The following ST6GALNAC3 variants were observed in gnomAD, a reference collection of about 807,000 sequenced individuals.
ST6GALNAC3 encodes the protein alpha-N-acetylgalactosaminide alpha-2,6-sialyltransferase 3.
A neutral mutation model predicts 32.7 loss-of-function variants in ST6GALNAC3; 25 were observed. The observed-to-expected ratio is 0.76, with a 90% CI of 0.56 to 1.07. The LOEUF is 1.07. Among genes scored for constraint, ST6GALNAC3 ranks in the 50% least tolerant of loss-of-function variants. The pLI is 0.00. For synonymous variants in ST6GALNAC3, 129 were observed against 133.1 expected, an observed-to-expected ratio of 0.97 and a Z score of 0.21; for missense variants, 355 against 382.4, an observed-to-expected ratio of 0.93 and a Z score of 0.60.
intron 1 of ST6GALNAC3, among the ~76,000 whole-genome samples, chr1:76,305,165 A>T (rs1660971329): frequency 6.6e-6 from 1 of 152,036 alleles, no homozygotes; most frequent in Non-Finnish European, 1.5e-5. Context: ...TAATAAAATG[A>T]TGGAAAGTCC....
intron 1 of ST6GALNAC3, among the ~76,000 whole-genome samples, chr1:76,111,836 C>T (rs1313286595): frequency 1.3e-4 from 19 of 151,900 alleles, no homozygotes; most frequent in Non-Finnish European, 2.2e-4. Flanking sequence ...CCATGTCTAC[C>T]TCTTTCTACA....
chr1:76,083,557 C>T (rs553744080), intron 1 of ST6GALNAC3, among the ~76,000 whole-genome samples: 20 of 152,302 alleles, frequency 1.3e-4, no homozygotes, highest in Admixed American at 1.2e-3. Flanking sequence ...ATGAATAAAA[C>T]AATAATACCC....
intron 3 of ST6GALNAC3, among the ~76,000 whole-genome samples, chr1:76,546,586 T>C (rs941100816): frequency 2.0e-5 from 3 of 152,146 alleles, no homozygotes; most frequent in African/African-American, 7.2e-5. Context: ...ATAATAACTT[T>C]GTGAGCATTT....
intron 1 of ST6GALNAC3, among the ~76,000 whole-genome samples, chr1:76,152,105 T>A (rs1048750644): frequency 1.3e-5 from 2 of 152,126 alleles, no homozygotes; most frequent in South Asian, 4.1e-4. Context: ...AAAGATTAAA[T>A]CCTATTTGGG....
rs1648836585 is a variant in ST6GALNAC3, at chr1:76,624,445, T to A, written c.624-3007T>A. ...AGGGCTGTGTTCTGGAAGCTTACTG[T>A]TGAACCTTCAGAAACGACTGTGTGG... On this transcript the variant is annotated intron_variant, in intron 3 of 4. Coordinates refer to ENST00000328299, the MANE Select transcript of ST6GALNAC3 (RefSeq NM_152996.4). Among the ~76,000 whole-genome samples, 3 of 151,924 alleles carry A rather than the reference T, an allele frequency of 2.0e-5. No homozygotes were observed. The South Asian group carries it at 6.2e-4, about 31-fold the overall frequency.
intron 1 of ST6GALNAC3, among the ~76,000 whole-genome samples, chr1:76,176,953 A>C (rs1320850556): frequency 6.6e-6 from 1 of 152,162 alleles, no homozygotes; most frequent in Non-Finnish European, 1.5e-5. Context: ...CTTGAGCCTG[A>C]AATCCCAGCT....
chr1:76,572,789 G>A (rs1646728074), intron 3 of ST6GALNAC3, among the ~76,000 whole-genome samples: 2 of 152,136 alleles, frequency 1.3e-5, no homozygotes, highest in South Asian at 4.1e-4. Flanking sequence ...AAGGAAATTT[G>A]TTGCGGAGAC....
intron 1 of ST6GALNAC3, among the ~76,000 whole-genome samples, chr1:76,130,509 G>A (rs1043302804): frequency 1.3e-5 from 2 of 152,194 alleles, no homozygotes; most frequent in Non-Finnish European, 2.9e-5. Context: ...GACTAGGGAA[G>A]GGACCAGCAC....
chr1:76,380,546 T>C (rs1651621310), intron 2 of ST6GALNAC3, among the ~76,000 whole-genome samples: 1 of 152,212 alleles, frequency 6.6e-6, no homozygotes, highest in Non-Finnish European at 1.5e-5. Flanking sequence ...AATAGCCATA[T>C]TTGAAAATAA....
chr1:76,161,638 T>A (rs1318243), intron 1 of ST6GALNAC3, among the ~76,000 whole-genome samples: 14 of 152,120 alleles, frequency 9.2e-5, no homozygotes, highest in Non-Finnish European at 1.3e-4. Context: ...CTTAAAGTAC[T>A]TGCTGGGAAG....
At chr1:76,219,560 A>G (rs1353036788) in intron 1 of ST6GALNAC3, among the ~76,000 whole-genome samples, 1 of 152,178 alleles carries the variant, frequency 6.6e-6, no homozygotes, top group Non-Finnish European at 1.5e-5. Context: ...TCCCCTGGGC[A>G]CAGAAATGTG....
intron 2 of ST6GALNAC3, among the ~76,000 whole-genome samples, chr1:76,328,065 T>C (rs540195607): frequency 1.3e-5 from 2 of 152,330 alleles, no homozygotes; most frequent in East Asian, 3.9e-4. Flanking sequence ...CAGTTGAGGC[T>C]AGGATAGGTA....
intron 3 of ST6GALNAC3, among the ~76,000 whole-genome samples, chr1:76,574,349 A>T (rs114059651): frequency 6.6e-6 from 1 of 152,084 alleles, no homozygotes; most frequent in Non-Finnish European, 1.5e-5. Flanking sequence ...TGTAGAATTT[A>T]TCACCACTTA....
At position 76,233,463 on chromosome 1, in the gene ST6GALNAC3, G is replaced by C. The variant is rs534931085; in HGVS notation, c.19-80342G>C. ...GCATCCACCAACCACAAGGCCAAGG[G>C]AAGGCCTAGGTATCTCTACAGGACA... On this transcript the variant is annotated intron_variant, in intron 1 of 4. Coordinates refer to ENST00000328299, the MANE Select transcript of ST6GALNAC3 (RefSeq NM_152996.4). Among the ~76,000 whole-genome samples the C allele has an allele frequency of 2.7e-4, 41 of 152,288 alleles. No individual in the cohort carries two copies. The South Asian group carries it at 8.3e-3, about 31-fold the overall frequency.
At chr1:76,217,838 G>A (rs575909308) in intron 1 of ST6GALNAC3, among the ~76,000 whole-genome samples, 13 of 152,298 alleles carry the variant, frequency 8.5e-5, no homozygotes, top group African/African-American at 3.1e-4. Flanking sequence ...TGCTGTGAAT[G>A]CCATTATGTT....
chr1:76,555,547 G>A (rs1664867692), intron 3 of ST6GALNAC3, among the ~76,000 whole-genome samples: 1 of 152,090 alleles, frequency 6.6e-6, no homozygotes, highest in Non-Finnish European at 1.5e-5. Context: ...TTCTCCTAAA[G>A]GTGAGATTTG....
At chr1:76,403,927 C>T (rs1653620192) in intron 2 of ST6GALNAC3, among the ~76,000 whole-genome samples, 1 of 151,960 alleles carries the variant, frequency 6.6e-6, no homozygotes, top group African/African-American at 2.4e-5. Flanking sequence ...TTTGAGAAAA[C>T]GTGTTTTTTG....
At chr1:76,213,767 A>G (rs1386053015) in intron 1 of ST6GALNAC3, among the ~76,000 whole-genome samples, 1 of 152,192 alleles carries the variant, frequency 6.6e-6, no homozygotes, top group African/African-American at 2.4e-5. Context: ...TTGCCTGGGC[A>G]TAACCCAGCA....
At position 76,419,070 on chromosome 1, in the gene ST6GALNAC3, T is replaced by C. The variant is rs560952600; in HGVS notation, c.623+6653T>C. 9.0e-5 allele frequency among the ~76,000 whole-genome samples: 13 copies of C among 144,052 alleles called. No individual in the cohort carries two copies. In the East Asian group the frequency reaches 1.5e-3, roughly 17 times the overall value. 94.5% of individuals were successfully genotyped at this position (144,052 alleles called of 152,430 possible). On this transcript the variant is annotated intron_variant, in intron 3 of 4. Transcript: ENST00000328299. The stretch of plus-strand genomic sequence containing the variant: ...GCACACACACACACACACACACACA[T>C]ATACAAATGCACTGGGTGAAACTCT...
Sources: allele counts gnomAD v4.1 joint callset (sites outside exome capture counted in the v4.1 genomes callset), GRCh38; gene constraint gnomAD v4.1.1; transcripts MANE v1.5; gene names NCBI Gene and HGNC (gene_info 2026-07-23, HGNC 2026-07-21).